TRERF1: variants seen among roughly 807,000 people sequenced by gnomAD.
TRERF1 encodes transcriptional-regulating factor 1.
Under a neutral mutation model 122.9 loss-of-function variants are expected in TRERF1, and 27 were observed. That is an observed-to-expected ratio of 0.22 (90% CI 0.16 to 0.30). The LOEUF (loss-of-function observed/expected upper bound fraction) is 0.30, where lower values mean the gene tolerates loss of function less well. TRERF1 is among the 10% of genes least tolerant of loss of function. The pLI is 1.00. For synonymous variants in TRERF1, 636 were observed against 641.7 expected, an observed-to-expected ratio of 0.99 and a Z score of 0.13; for missense variants, 1,248 against 1,560.3, an observed-to-expected ratio of 0.80 and a Z score of 3.37.
At chr6:42,446,654 T>C (rs1787573584) in intron 2 of TRERF1, among the ~76,000 whole-genome samples, 1 of 152,094 alleles carries the variant, frequency 6.6e-6, no homozygotes, top group Admixed American at 6.5e-5. Flanking sequence ...AAGTCCTCAA[T>C]AAGAAGCTGC....
intron 14 of TRERF1, among the ~76,000 whole-genome samples, chr6:42,244,832 CA>C (rs1774454674): frequency 6.6e-6 from 1 of 152,220 alleles, no homozygotes. Context: ...CCCAAACAGG[CA>C]AAGGTCTATG....
intron 16 of TRERF1, among the ~76,000 whole-genome samples, chr6:42,233,226 T>C (rs1488424684): frequency 6.6e-6 from 1 of 151,976 alleles, no homozygotes; most frequent in Non-Finnish European, 1.5e-5. Flanking sequence ...ATTTCCCTTC[T>C]GTATACTTTA....
rs1210146950 is a variant in TRERF1 at position 42,276,121 on chromosome 6, C to T, written c.-258-6273G>A. Among the ~76,000 whole-genome samples, 1 of 152,222 alleles carries T rather than the reference C, an allele frequency of 6.6e-6. No homozygotes were observed. The highest frequency in any genetic ancestry group is 1.9e-4 in the East Asian group (1 of 5,192). On this transcript the variant is annotated intron_variant, in intron 4 of 17. Transcript: ENST00000372922. This position sits in a 1 kb window ranked among gnomAD's most constrained non-coding sequence, Gnocchi z 4.3. ...TTGCTTGACCCCTGTTCTAGAGCAT[C>T]AAAGTCTCTCCACACCCCACCCCCT...
At chr6:42,421,314 C>T (rs909228777) in intron 2 of TRERF1, among the ~76,000 whole-genome samples, 2 of 152,182 alleles carry the variant, frequency 1.3e-5, no homozygotes, top group Non-Finnish European at 2.9e-5. Flanking sequence ...TAATTAATTA[C>T]ACTTTATATC....
chr6:42,357,784 T>C (rs1770883153), intron 3 of TRERF1, among the ~76,000 whole-genome samples: 1 of 152,136 alleles, frequency 6.6e-6, no homozygotes. Context: ...GAAGGCAAAG[T>C]GTGTTTGTGG....
intron 2 of TRERF1, among the ~76,000 whole-genome samples, chr6:42,385,944 T>C (rs1431186240): frequency 6.6e-6 from 1 of 152,242 alleles, no homozygotes; most frequent in African/African-American, 2.4e-5. Context: ...GGTAAGCCTA[T>C]AGTTTATTAA....
At chr6:42,338,111 T>C (rs924735843) in intron 3 of TRERF1, among the ~76,000 whole-genome samples, 2 of 152,054 alleles carry the variant, frequency 1.3e-5, no homozygotes, top group African/African-American at 2.4e-5. Flanking sequence ...CTGGCTTACA[T>C]TTTTCTGATC....
rs762134151 is a variant in TRERF1 at position 42,268,508 on chromosome 6, C to T, written c.1083G>A (p.Glu361=). 5 of 1,613,530 alleles carry T rather than the reference C, an allele frequency of 3.1e-6. No homozygotes were observed. The highest frequency in any genetic ancestry group is 4.2e-6 in the Non-Finnish European group (5 of 1,179,800). The change falls in exon 5 of 18, where the codon GAG becomes GAA. Residue 361 remains glutamate (E), a synonymous_variant. Transcript: ENST00000372922. This position sits in a 1 kb window ranked among gnomAD's most constrained non-coding sequence, Gnocchi z 4.4. ...GAATCAGCTGGACAGTGTGTGCCTG[C>T]TCTGGGGTATACTGGTGAGGGTCCC...
At chr6:42,335,282 C>T (rs1375701429) in intron 3 of TRERF1, among the ~76,000 whole-genome samples, 1 of 152,160 alleles carries the variant, frequency 6.6e-6, no homozygotes, top group Admixed American at 6.5e-5. Flanking sequence ...ACCAATAGCT[C>T]GAGGTAGGGC....
rs527426350 is a variant in TRERF1, at chr6:42,328,195, G to C, written c.-370-27446C>G. ...GCTAATTTTTGTATTTTTTGGTAAA[G>C]ATGGGGTTTCACTGTGTTGGCCAGG... On this transcript the variant is annotated intron_variant, in intron 3 of 17. Transcript: ENST00000372922. 2.0e-5 allele frequency among the ~76,000 whole-genome samples: 3 copies of C among 151,928 alleles called. No individual in the cohort carries two copies. In the East Asian group the frequency reaches 5.8e-4, roughly 29 times the overall value.
chr6:42,352,708 T>C (rs533230304), intron 3 of TRERF1, among the ~76,000 whole-genome samples: 1 of 152,176 alleles, frequency 6.6e-6, no homozygotes, highest in South Asian at 2.1e-4. Context: ...TGTGAGCCAA[T>C]TAAGTGAGAG....
chr6:42,300,928 C>T (rs1238939725), intron 3 of TRERF1, among the ~76,000 whole-genome samples, 179 bp from the exon 4 acceptor site: 1 of 152,160 alleles, frequency 6.6e-6, no homozygotes, highest in Non-Finnish European at 1.5e-5. Flanking sequence ...CAAAGGCCTG[C>T]AATGTGCCAG....
At chr6:42,246,732 G>A (rs1294584508) in intron 13 of TRERF1, among the ~76,000 whole-genome samples, 188 bp from the exon 14 acceptor site, 1 of 152,198 alleles carries the variant, frequency 6.6e-6, no homozygotes, top group Non-Finnish European at 1.5e-5. Flanking sequence ...TCAAGTCCCA[G>A]CTATGGCCTT....
chr6:42,267,444 A>G (rs1442596544), intron 5 of TRERF1, among the ~76,000 whole-genome samples: 1 of 152,202 alleles, frequency 6.6e-6, no homozygotes, highest in Non-Finnish European at 1.5e-5. Flanking sequence ...CCTGACCAAC[A>G]TGGTGAAACC....
chr6:42,342,027 A>G (rs1414872033), intron 3 of TRERF1, among the ~76,000 whole-genome samples: 1 of 152,234 alleles, frequency 6.6e-6, no homozygotes, highest in African/African-American at 2.4e-5. Context: ...TAAACAAATT[A>G]ATTAATTGCA....
At chr6:42,376,566 CAG>C (rs1774919340) in intron 2 of TRERF1, among the ~76,000 whole-genome samples, 2 of 113,450 alleles carry the variant, frequency 1.8e-5, no homozygotes, top group Non-Finnish European at 1.7e-5. Context: ...TTTTTTGAGA[CAG>C]AGTCTCACTC....
At chr6:42,436,815 ATATATATATATATATATAT>A (rs1401861869) in intron 2 of TRERF1, among the ~76,000 whole-genome samples, 2 of 63,180 alleles carry the variant, frequency 3.2e-5, no homozygotes, top group Admixed American at 1.9e-4. Context: ...AAAAAAAAAA[ATATATATATATATATATAT>A]ATATATATAT....
intron 2 of TRERF1, among the ~76,000 whole-genome samples, chr6:42,394,453 G>T (rs1183027601): frequency 6.6e-6 from 1 of 152,156 alleles, no homozygotes; most frequent in Non-Finnish European, 1.5e-5. Flanking sequence ...TCACATACGG[G>T]ACTGCAGATG....
At chr6:42,421,096 CTT>C (rs976039984) in intron 2 of TRERF1, among the ~76,000 whole-genome samples, 10 of 152,226 alleles carry the variant, frequency 6.6e-5, no homozygotes, top group Non-Finnish European at 1.3e-4. Context: ...CATTCAGTCT[CTT>C]TGAACTTGAA....
Sources: allele counts gnomAD v4.1 joint callset (sites outside exome capture counted in the v4.1 genomes callset), GRCh38; gene constraint gnomAD v4.1.1; non-coding constraint Gnocchi (gnomAD v3.1); transcripts MANE v1.5; gene names NCBI Gene and HGNC (gene_info 2026-07-23, HGNC 2026-07-21).